Variants in ADGRA1 observed in about 807,000 individuals in gnomAD.
ADGRA1 encodes the protein adhesion G protein-coupled receptor A1.
Under a neutral mutation model 21.3 loss-of-function variants are expected in ADGRA1, and 12 were observed. The observed-to-expected ratio is 0.56, with a 90% CI of 0.36 to 0.91. ADGRA1 has a LOEUF of 0.91. ADGRA1 is among the 40% of genes least tolerant of loss of function. ADGRA1 has a pLI of 0.01. For synonymous variants in ADGRA1, 385 were observed against 368.8 expected, an observed-to-expected ratio of 1.04 and a Z score of -0.50; for missense variants, 790 against 805.6, an observed-to-expected ratio of 0.98 and a Z score of 0.23.
chr10:133,094,323 C>T (rs1205471111), intron 2 of ADGRA1, among the ~76,000 whole-genome samples: 1 of 152,212 alleles, frequency 6.6e-6, no homozygotes, highest in African/African-American at 2.4e-5. Flanking sequence ...AAGCCACAAA[C>T]GGGAGGCTAA....
chr10:133,103,624 C>T (rs1455685707), intron 5 of ADGRA1, among the ~76,000 whole-genome samples: 2 of 152,256 alleles, frequency 1.3e-5, no homozygotes, highest in East Asian at 1.9e-4. Context: ...CCCTCTCTCC[C>T]TCAGTCCAGA....
intron 2 of ADGRA1, among the ~76,000 whole-genome samples, chr10:133,093,988 A>G (rs1045864736): frequency 6.6e-6 from 1 of 152,284 alleles, no homozygotes; most frequent in African/African-American, 2.4e-5. Context: ...AAACCAAACC[A>G]AATCACACAT....
intron 5 of ADGRA1, among the ~76,000 whole-genome samples, chr10:133,112,999 A>G (rs1425373970): frequency 3.1e-5 from 3 of 96,770 alleles, no homozygotes; most frequent in South Asian, 6.9e-4. Flanking sequence ...GGGGTCTATA[A>G]GCTGTGTCAG....
At chr10:133,122,906 T>C (rs1852301506) in intron 5 of ADGRA1, among the ~76,000 whole-genome samples, 1 of 151,646 alleles carries the variant, frequency 6.6e-6, no homozygotes, top group Non-Finnish European at 1.5e-5. Context: ...CTGGAGTTGT[T>C]GTCTCACCTG....
chr10:133,090,813 G>A (rs910791011), intron 2 of ADGRA1, among the ~76,000 whole-genome samples: 3 of 152,194 alleles, frequency 2.0e-5, no homozygotes, highest in African/African-American at 7.2e-5. Flanking sequence ...TGGTGGCATC[G>A]CTCCTGGCCA....
chr10:133,119,125 C>A (rs1852209505), intron 5 of ADGRA1, among the ~76,000 whole-genome samples: 1 of 152,200 alleles, frequency 6.6e-6, no homozygotes, highest in African/African-American at 2.4e-5. Flanking sequence ...GCAAAGCACC[C>A]CACATGGAGC....
At chr10:133,121,140 A>G (rs1011723255) in intron 5 of ADGRA1, among the ~76,000 whole-genome samples, 14 of 152,244 alleles carry the variant, frequency 9.2e-5, no homozygotes, top group African/African-American at 3.4e-4. Context: ...AACCCCAAAG[A>G]TCACTGATCA....
chr10:133,108,335 G>C (rs1266741287), intron 5 of ADGRA1, among the ~76,000 whole-genome samples: 1 of 152,230 alleles, frequency 6.6e-6, no homozygotes, highest in African/African-American at 2.4e-5. Flanking sequence ...CAGCCTTGTA[G>C]GGGAGAGTTT....
intron 4 of ADGRA1, among the ~76,000 whole-genome samples, chr10:133,101,802 T>C (rs1230621139): frequency 1.3e-5 from 2 of 152,182 alleles, no homozygotes; most frequent in African/African-American, 4.8e-5. Flanking sequence ...CCCCGGGGGC[T>C]GCTGTGTCTC....
chr10:133,089,770 A>T (rs971557714), intron 2 of ADGRA1, among the ~76,000 whole-genome samples: 13 of 152,226 alleles, frequency 8.5e-5, no homozygotes, highest in African/African-American at 3.1e-4. Context: ...GAAATGTCCA[A>T]GCAAGAGAGA....
intron 2 of ADGRA1, among the ~76,000 whole-genome samples, chr10:133,090,449 A>G (rs1456624331): frequency 6.6e-6 from 1 of 152,148 alleles, no homozygotes; most frequent in Non-Finnish European, 1.5e-5. Flanking sequence ...TTTATTCACA[A>G]CAAGTAACAT....
chr10:133,100,215 G>A (rs1018837624), intron 4 of ADGRA1, among the ~76,000 whole-genome samples: 2 of 152,220 alleles, frequency 1.3e-5, no homozygotes, highest in African/African-American at 2.4e-5. Flanking sequence ...CGGAGGAGTC[G>A]CTGGCACGCA....
At chr10:133,109,928 G>A (rs1312478425) in intron 5 of ADGRA1, among the ~76,000 whole-genome samples, 3 of 152,242 alleles carry the variant, frequency 2.0e-5, no homozygotes, top group African/African-American at 7.2e-5. Context: ...CACACTCAGG[G>A]CGGGGCTGGA....
chr10:133,117,371 C>T (rs1852179204), intron 5 of ADGRA1, among the ~76,000 whole-genome samples: 1 of 152,218 alleles, frequency 6.6e-6, no homozygotes. Flanking sequence ...CCAGCAAACA[C>T]CCACGGAACA....
chr10:133,125,736 T>C lies in ADGRA1; in HGVS notation c.402-1497T>C, dbSNP rs1177916753. Reference sequence around the variant, plus strand: ...GAGCCACCGTGCCCTGCCTAGTTTTTACCTAGTTTCTTATGGTTGCTCTAA... The same window carrying C: ...GAGCCACCGTGCCCTGCCTAGTTTTCACCTAGTTTCTTATGGTTGCTCTAA... On this transcript the variant is annotated intron_variant, in intron 5 of 6. Coordinates refer to ENST00000392607, the MANE Select transcript of ADGRA1 (RefSeq NM_001083909.3). Among the ~76,000 whole-genome samples the C allele has an allele frequency of 2.0e-5, 3 of 152,206 alleles. No homozygotes were observed. In the East Asian group the frequency reaches 5.8e-4, roughly 29 times the overall value.
At chr10:133,108,806 A>C in intron 5 of ADGRA1, among the ~76,000 whole-genome samples, 1 of 138,130 alleles carries the variant, frequency 7.2e-6, no homozygotes, top group South Asian at 2.4e-4. Context: ...CCCTCCCCTC[A>C]CATCCTCCAT....
intron 2 of ADGRA1, among the ~76,000 whole-genome samples, chr10:133,094,434 GC>G (rs1851653657): frequency 1.3e-5 from 2 of 152,174 alleles, no homozygotes; most frequent in Admixed American, 1.3e-4. Context: ...CTGCGCCTCC[GC>G]CCACAGTGGC....
In ADGRA1 at chr10:133,129,920, C is replaced by T. The variant is rs1249718704; in HGVS notation, c.*409C>T. 3.3e-5 allele frequency: 6 copies of T among 182,768 alleles called. No individual in the cohort carries two copies. Among genetic ancestry groups the T allele is most frequent in the Non-Finnish European group, 4.6e-5 (4 of 87,436 alleles). 11.3% of individuals were successfully genotyped at this position (182,768 alleles called of 1,614,324 possible). A position where few individuals can be genotyped will look rare whatever the true frequency, so the allele number is the denominator to read the frequency against. ...CCTGCCCGAGATGCCCTGCTGCCCA[C>T]GGAGTCCTGGCTTCCCCTGGTGTGG... On this transcript the variant is annotated 3_prime_UTR_variant, in exon 7 of 7. Transcript: ENST00000392607.
intron 5 of ADGRA1, among the ~76,000 whole-genome samples, chr10:133,103,475 C>T (rs1300473949): frequency 6.6e-6 from 1 of 152,196 alleles, no homozygotes; most frequent in African/African-American, 2.4e-5. Flanking sequence ...GGGACACTCG[C>T]CCTCCCCCGC....
Sources: allele counts gnomAD v4.1 joint callset (sites outside exome capture counted in the v4.1 genomes callset), GRCh38; gene constraint gnomAD v4.1.1; transcripts MANE v1.5; gene names NCBI Gene and HGNC (gene_info 2026-07-23, HGNC 2026-07-21).